Variants in ARL6 observed in about 807,000 individuals in gnomAD.
ARL6 encodes ADP-ribosylation factor-like protein 6.
ARL6 carries 18 observed loss-of-function variants against 27.1 expected under a neutral mutation model. That is an observed-to-expected ratio of 0.66 (90% confidence interval 0.46 to 0.98). The LOEUF is 0.98. Among genes scored for constraint, ARL6 ranks in the 50% least tolerant of loss-of-function variants. The pLI, the probability that ARL6 is intolerant of heterozygous loss-of-function variation, is 0.00. For synonymous variants in ARL6, 65 were observed against 72.3 expected (o/e 0.90, Z 0.51); for missense variants, 187 against 214.9 (o/e 0.87, Z 0.81).
In ARL6 at chr3:97,787,990, A is replaced by G. The variant is rs370120886; in HGVS notation, c.350A>G (p.Asp117Gly). ...ATGATAATCTTATTTTCTCTTTTAG[A>G]TATTAAACACCGTCGAATTCCAATC... ...EELDTLLNHP[D>G]IKHRRIPILF... The change falls in exon 6 of 8, where the codon GAT (aspartate) becomes GGT (glycine). Residue 117 changes from aspartate to glycine, a missense_variant and splice_region_variant. Physicochemically the swap from Asp to Gly is moderately conservative, Grantham distance 94. Transcript: ENST00000463745. 1.7e-5 allele frequency: 27 copies of G among 1,613,152 alleles called. No individual in the cohort carries two copies. Among genetic ancestry groups the G allele is most frequent in the Non-Finnish European group, 2.1e-5 (25 of 1,179,472 alleles).
intron 2 of ARL6, among the ~76,000 whole-genome samples, chr3:97,778,768 A>G (rs180896633): frequency 6.6e-6 from 1 of 152,310 alleles, no homozygotes; most frequent in East Asian, 1.9e-4. Context: ...ATTTGAGAAA[A>G]CCAGGCTTAG....
intron 7 of ARL6, among the ~76,000 whole-genome samples, chr3:97,795,094 G>T (rs538855956): frequency 6.6e-6 from 1 of 152,146 alleles, no homozygotes; most frequent in South Asian, 2.1e-4. Flanking sequence ...TAAAAATAAA[G>T]TTTAAGGTTA....
At chr3:97,773,488 A>G (rs1377153020) in intron 2 of ARL6, among the ~76,000 whole-genome samples, 1 of 152,138 alleles carries the variant, frequency 6.6e-6, no homozygotes, top group Non-Finnish European at 1.5e-5. Context: ...CCCCTTGTCA[A>G]TACACATCTC....
intron 6 of ARL6, among the ~76,000 whole-genome samples, chr3:97,790,079 G>GTGTA (rs1235422930): frequency 1.3e-5 from 2 of 151,770 alleles, no homozygotes; most frequent in East Asian, 3.9e-4. Context: ...GTGTGTGTGT[G>GTGTA]TGTGTGTGTG....
At chr3:97,790,128 G>T (rs1224557893) in intron 6 of ARL6, among the ~76,000 whole-genome samples, 1 of 151,098 alleles carries the variant, frequency 6.6e-6, no homozygotes, top group African/African-American at 2.4e-5. Flanking sequence ...ACCATCTTGT[G>T]GGGGAGACAA....
intron 7 of ARL6, among the ~76,000 whole-genome samples, chr3:97,794,058 G>T (rs543110490): frequency 1.7e-4 from 26 of 151,964 alleles, no homozygotes; most frequent in Non-Finnish European, 3.4e-4. Context: ...CCCCATAAAT[G>T]TTAAGTTTAC....
intron 3 of ARL6, 61 bp from the exon 4 acceptor site, chr3:97,780,554 A>T: frequency 7.2e-7 from 1 of 1,382,340 alleles, no homozygotes. Context: ...AATAATTTAA[A>T]ATTTTAAGTA....
At position 97,800,159 on chromosome 3, in the gene ARL6, G is replaced by A. The variant is rs1698932943; in HGVS notation, c.*2110G>A. ...ATACCTATGCAAATATTTAGAAGAA[G>A]GAGAAGTACCCTTTTTCTTTGTTTT... On this transcript the variant is annotated 3_prime_UTR_variant, in exon 8 of 8. Transcript: ENST00000463745. The A allele has an allele frequency of 6.6e-6, 1 of 152,020 alleles. No individual in the cohort carries two copies. The highest frequency in any genetic ancestry group is 2.1e-4 in the South Asian group (1 of 4,820). The allele number at this position is 152,020 out of a possible 1,614,324, so 9.4% of individuals were successfully genotyped here.
At chr3:97,777,399 G>C (rs1230522401) in intron 2 of ARL6, among the ~76,000 whole-genome samples, 1 of 151,762 alleles carries the variant, frequency 6.6e-6, no homozygotes, top group African/African-American at 2.4e-5. Flanking sequence ...AAATGGTATA[G>C]TATTTGCATA....
At chr3:97,770,292 G>T (rs1241103193) in intron 2 of ARL6, among the ~76,000 whole-genome samples, 1 of 151,954 alleles carries the variant, frequency 6.6e-6, no homozygotes, top group East Asian at 1.9e-4. Context: ...ATAATGATGA[G>T]CATTTTTTTC....
At chr3:97,769,906 T>A (rs1426343230) in intron 2 of ARL6, among the ~76,000 whole-genome samples, 1 of 152,186 alleles carries the variant, frequency 6.6e-6, no homozygotes, top group South Asian at 2.1e-4. Flanking sequence ...ATTGTGTATA[T>A]GTACCAAATT....
intron 6 of ARL6, among the ~76,000 whole-genome samples, chr3:97,789,383 A>G (rs1042152561): frequency 6.6e-6 from 1 of 152,150 alleles, no homozygotes; most frequent in South Asian, 2.1e-4. Flanking sequence ...AATAATTTTT[A>G]ATTTCTGTGT....
intron 2 of ARL6, among the ~76,000 whole-genome samples, chr3:97,770,097 C>G (rs781393956): frequency 6.6e-6 from 1 of 151,944 alleles, no homozygotes; most frequent in Non-Finnish European, 1.5e-5. Flanking sequence ...TAGTTTCATG[C>G]GGAAACACTA....
At chr3:97,781,232 G>A (rs2037182456) in intron 4 of ARL6, among the ~76,000 whole-genome samples, 1 of 152,114 alleles carries the variant, frequency 6.6e-6, no homozygotes. Flanking sequence ...AAAAATAACA[G>A]TGTTGCCTAA....
Position 97,799,356 on chromosome 3 carries a change from GATTTGGC to G in ARL6, c.*1316_*1322del, listed in dbSNP as rs1415044858. ...TTTCTTATAGTCCAGAAATAGCAGT[GATTTGGC>G]ATTTGGCAAATTGAAAGTTACCCAG... On this transcript the variant is annotated 3_prime_UTR_variant, in exon 8 of 8. Coordinates refer to ENST00000463745, the MANE Select transcript of ARL6 (RefSeq NM_001278293.3). 1.3e-5 allele frequency: 2 copies of G among 152,038 alleles called. No individual in the cohort carries two copies. Among genetic ancestry groups the G allele is most frequent in the Non-Finnish European group, 2.9e-5 (2 of 67,922 alleles). The allele number at this position is 152,038 out of a possible 1,614,324, so 9.4% of individuals were successfully genotyped here.
intron 4 of ARL6, among the ~76,000 whole-genome samples, chr3:97,784,359 A>T (rs1377336432): frequency 6.6e-6 from 1 of 151,868 alleles, no homozygotes; most frequent in Non-Finnish European, 1.5e-5. Context: ...TTTTCAGAAG[A>T]CTTTCACTTA....
At chr3:97,765,922 G>T (rs998816027) in intron 1 of ARL6, 2 of 152,186 alleles carry the variant, frequency 1.3e-5, no homozygotes, top group African/African-American at 2.4e-5. Flanking sequence ...TACTTGAAAC[G>T]TAGAAGTTTA....
chr3:97,770,775 T>C (rs1002908271), intron 2 of ARL6, among the ~76,000 whole-genome samples: 1 of 151,996 alleles, frequency 6.6e-6, no homozygotes, highest in Non-Finnish European at 1.5e-5. Context: ...ATCATAAGAC[T>C]ATCCTTTTCC....
rs1166279089 is a variant in ARL6 at position 97,801,021 on chromosome 3, A to G, written c.*2972A>G. 2 of 152,238 alleles carry G rather than the reference A, an allele frequency of 1.3e-5. No individual in the cohort carries two copies. The highest frequency in any genetic ancestry group is 2.9e-5 in the Non-Finnish European group (2 of 68,044). The allele number at this position is 152,238 out of a possible 1,614,324, so 9.4% of individuals were successfully genotyped here. On this transcript the variant is annotated 3_prime_UTR_variant, in exon 8 of 8. Transcript: ENST00000463745. ...TTCAACATAGAAATTTTGGGAGAACACAAACATTCAGTCAGTTGCAATACT... is the reference window on the plus strand; with the variant it reads ...TTCAACATAGAAATTTTGGGAGAACGCAAACATTCAGTCAGTTGCAATACT...
Sources: allele counts gnomAD v4.1 joint callset (sites outside exome capture counted in the v4.1 genomes callset), GRCh38; gene constraint gnomAD v4.1.1; transcripts MANE v1.5; gene names NCBI Gene and HGNC (gene_info 2026-07-23, HGNC 2026-07-21).